ERG: variants seen among roughly 807,000 people sequenced by gnomAD.
The protein encoded by ERG is transcriptional regulator ERG.
In ERG, 9 loss-of-function variants were observed where a neutral mutation model predicts 55.3. The observed-to-expected ratio is 0.16, with a 90% confidence interval of 0.10 to 0.28. ERG has a LOEUF of 0.28. Ranked by LOEUF, ERG falls within the 10% of genes least tolerant of loss-of-function variation. The pLI is 1.00. For missense variants in ERG, 434 were observed against 631.6 expected (o/e 0.69, Z 3.35); for synonymous variants, 223 against 237.3 (o/e 0.94, Z 0.55).
chr21:38,568,653 C>T (rs184251096), intron 2 of ERG, among the ~76,000 whole-genome samples: 266 of 152,342 alleles, frequency 1.7e-3, no homozygotes, highest in African/African-American at 5.8e-3. Context: ...TTTGTTTCCC[C>T]TGTCATCCAT....
intron 2 of ERG, among the ~76,000 whole-genome samples, chr21:38,542,238 T>C (rs893891393): frequency 2.6e-5 from 4 of 152,300 alleles, no homozygotes; most frequent in African/African-American, 9.6e-5. Context: ...TCCACCCGCC[T>C]CAGCCTCCCA....
chr21:38,587,558 G>A (rs1168859158), upstream of ERG, among the ~76,000 whole-genome samples: 4 of 151,994 alleles, frequency 2.6e-5, no homozygotes, highest in East Asian at 1.9e-4. Flanking sequence ...GGGTTTCATC[G>A]TGTTAGCCAG....
At chr21:38,632,977 C>G (rs112295355) in intron 1 of ERG, among the ~76,000 whole-genome samples, 1 of 152,152 alleles carries the variant, frequency 6.6e-6, no homozygotes, top group African/African-American at 2.4e-5. Context: ...GTAGAAGCAA[C>G]CCAAATGTCC....
chr21:38,406,793 T>A (rs1988795777), intron 3 of ERG, among the ~76,000 whole-genome samples: 1 of 152,152 alleles, frequency 6.6e-6, no homozygotes, highest in African/African-American at 2.4e-5. Flanking sequence ...TAGGTTCGTG[T>A]TAAAATGGTG....
At chr21:38,620,214 G>C (rs1388054438) in intron 1 of ERG, among the ~76,000 whole-genome samples, 1 of 152,200 alleles carries the variant, frequency 6.6e-6, no homozygotes, top group Non-Finnish European at 1.5e-5. Flanking sequence ...TCTTTGTTCT[G>C]ATCTGGTTTG....
chr21:38,602,469 A>G (rs957542390), intron 1 of ERG, among the ~76,000 whole-genome samples: 1 of 152,030 alleles, frequency 6.6e-6, no homozygotes, highest in Admixed American at 6.5e-5. Context: ...ACATAAATAA[A>G]TAAGTAAACC....
At chr21:38,490,181 G>A (rs1219405071) in intron 1 of ERG, among the ~76,000 whole-genome samples, 3 of 151,684 alleles carry the variant, frequency 2.0e-5, no homozygotes, top group Admixed American at 6.6e-5. Context: ...ATAAAAACAT[G>A]TTCATCACAG....
intron 1 of ERG, among the ~76,000 whole-genome samples, chr21:38,461,111 G>A (rs756509499): frequency 2.6e-5 from 4 of 152,140 alleles, no homozygotes; most frequent in African/African-American, 7.2e-5. Context: ...AATGTACCAC[G>A]GACTGAGGGG....
At chr21:38,398,618 G>A in intron 6 of ERG, among the ~76,000 whole-genome samples, 1 of 152,096 alleles carries the variant, frequency 6.6e-6, no homozygotes. Flanking sequence ...TCCCTGGGTT[G>A]GGCAGAGAGG....
chr21:38,381,985 C>A lies in ERG; in HGVS notation c.*1418G>T. On this transcript the variant is annotated 3_prime_UTR_variant, in exon 10 of 10. Transcript: ENST00000288319. ...TTCAGCACATGTTTTCATTAAGCAA[C>A]TTTAGTCACTAAAAAAAGTGCAAAT... is the stretch of plus-strand genomic sequence containing the variant. 1 of 1,061,508 alleles carries A rather than the reference C, an allele frequency of 9.4e-7. No individual in the cohort carries two copies. The highest frequency in any genetic ancestry group is 1.6e-5 in the African/African-American group (1 of 60,954). 65.8% of individuals were successfully genotyped at this position (1,061,508 alleles called of 1,614,324 possible).
chr21:38,437,690 G>C (rs2058803596), intron 2 of ERG, among the ~76,000 whole-genome samples: 1 of 152,108 alleles, frequency 6.6e-6, no homozygotes, highest in Non-Finnish European at 1.5e-5. Context: ...CCCAAGCCTT[G>C]GCCCATCCTC....
intron 1 of ERG, among the ~76,000 whole-genome samples, chr21:38,595,425 T>C (rs1417330835): frequency 6.6e-6 from 1 of 152,062 alleles, no homozygotes; most frequent in Non-Finnish European, 1.5e-5. Context: ...GAGAGCAGGA[T>C]GGAAAGCCAG....
chr21:38,373,802 GAATA>G, the ERG span, among the ~76,000 whole-genome samples: 1 of 152,140 alleles, frequency 6.6e-6, no homozygotes, highest in Admixed American at 6.5e-5. Context: ...GTGAATGAAA[GAATA>G]AATAAATTTC....
chr21:38,436,020 CTTTTTTTTTT>C (rs11384369), intron 2 of ERG, among the ~76,000 whole-genome samples: 1 of 133,334 alleles, frequency 7.5e-6, no homozygotes, highest in Non-Finnish European at 1.6e-5. Context: ...TTCTTTTTTT[CTTTTTTTTTT>C]TTTTTTGAGA....
At chr21:38,617,260 G>A (rs2060264537) in intron 1 of ERG, among the ~76,000 whole-genome samples, 1 of 152,058 alleles carries the variant, frequency 6.6e-6, no homozygotes, top group Admixed American at 6.5e-5. Flanking sequence ...AATCCTTCTG[G>A]AAAGAGCTGC....
At chr21:38,448,548 C>T (rs902760079) in intron 1 of ERG, among the ~76,000 whole-genome samples, 1 of 152,148 alleles carries the variant, frequency 6.6e-6, no homozygotes, top group Non-Finnish European at 1.5e-5. Flanking sequence ...GGATGAAGTA[C>T]AGCTCAGGAA....
chr21:38,368,771 C>T, the ERG span, among the ~76,000 whole-genome samples: 1 of 152,214 alleles, frequency 6.6e-6, no homozygotes, highest in African/African-American at 2.4e-5. Context: ...TCCTCCCACC[C>T]TCCCCGCTCT....
At chr21:38,371,219 T>G in the ERG span, among the ~76,000 whole-genome samples, 5 of 152,080 alleles carry the variant, frequency 3.3e-5, no homozygotes, top group African/African-American at 1.2e-4. Flanking sequence ...TATGTTAGTA[T>G]GTAAAAATGC....
At chr21:38,547,998 A>G (rs2059798773) in intron 2 of ERG, among the ~76,000 whole-genome samples, 1 of 152,218 alleles carries the variant, frequency 6.6e-6, no homozygotes, top group African/African-American at 2.4e-5. Flanking sequence ...GATCCTTAAA[A>G]CGGTATAATC....
Sources: gnomAD v4.1 joint callset for allele counts (sites outside exome capture counted in the v4.1 genomes callset) on GRCh38, gnomAD v4.1.1 for gene constraint, MANE v1.5 for transcripts, NCBI Gene and HGNC (gene_info 2026-07-23, HGNC 2026-07-21) for gene names.